Variants in CCDC171 observed in about 807,000 individuals in gnomAD.
The protein encoded by CCDC171 is coiled-coil domain-containing protein 171.
In CCDC171, 177 loss-of-function variants were observed where a neutral mutation model predicts 168.2. That is an observed-to-expected ratio of 1.05 (90% CI 0.93 to 1.19). CCDC171 has a LOEUF of 1.19. Among genes scored for constraint, CCDC171 ranks in the 50% most tolerant of loss-of-function variants. The pLI is 0.00. For synonymous variants in CCDC171, 687 were observed against 540.8 expected (o/e 1.27, Z -3.75); for missense variants, 1,991 against 1,539.0 (o/e 1.29, Z -4.91).
intron 9 of CCDC171, among the ~76,000 whole-genome samples, chr9:15,672,433 A>G (rs1410388396): frequency 6.6e-6 from 1 of 152,164 alleles, no homozygotes; most frequent in Non-Finnish European, 1.5e-5. Flanking sequence ...GCTCATGCCT[A>G]TGTCCTGAAT....
chr9:16,025,166 G>A (rs1031827631), intron 6 of CCDC171, among the ~76,000 whole-genome samples: 28 of 152,342 alleles, frequency 1.8e-4, no homozygotes, highest in African/African-American at 6.5e-4. Context: ...CAGGGGCTGG[G>A]CATGGTGGCT....
chr9:15,886,426 C>T (rs1819406601), intron 24 of CCDC171: 1 of 152,130 alleles, frequency 6.6e-6, no homozygotes, highest in Admixed American at 6.6e-5. Flanking sequence ...TATCACATCA[C>T]AACTGTTAGG....
At chr9:15,938,319 G>A (rs1393121899) in intron 25 of CCDC171, among the ~76,000 whole-genome samples, 1 of 151,706 alleles carries the variant, frequency 6.6e-6, no homozygotes. Context: ...TGAAATAGTG[G>A]GGAAAAATTA....
Position 15,846,695 on chromosome 9 carries a change from C to T in CCDC171, c.3268-7C>T. 2 of 1,612,090 alleles carry T rather than the reference C, an allele frequency of 1.2e-6. No individual in the cohort carries two copies. Among genetic ancestry groups the T allele is most frequent in the Non-Finnish European group, 1.7e-6 (2 of 1,178,834 alleles). On this transcript the variant is annotated splice_region_variant and splice_polypyrimidine_tract_variant and intron_variant, in intron 21 of 25. Coordinates refer to ENST00000380701, the MANE Select transcript of CCDC171 (RefSeq NM_173550.4). ...GACAAGTAACTCTGTTTTCTGTCTG[C>T]TTGCAGAGTCTCTCCGAGGCAAAGA...
chr9:15,740,383 C>CT lies in CCDC171; in HGVS notation c.2050-3878dup, dbSNP rs33984949. On this transcript the variant is annotated intron_variant, in intron 16 of 25. Coordinates refer to ENST00000380701, the MANE Select transcript of CCDC171 (RefSeq NM_173550.4). ...TTTCTAGCTGTTCTGTTCCATTGGT[C>CT]TTTTTTTTTTTTATGTACAAATAAC... is the stretch of plus-strand genomic sequence containing the variant. Among the ~76,000 whole-genome samples, 121 of 146,232 alleles carry CT rather than the reference C, an allele frequency of 8.3e-4. 1 individual carries two copies. The Middle Eastern group carries it at 0.01, about 13-fold the overall frequency.
chr9:15,576,159 G>A (rs369369869), intron 3 of CCDC171, among the ~76,000 whole-genome samples: 31 of 139,770 alleles, frequency 2.2e-4, no homozygotes, highest in South Asian at 7.1e-4. Context: ...GTGTGTGTGT[G>A]TATATACATG....
intron 18 of CCDC171, among the ~76,000 whole-genome samples, chr9:15,765,522 A>G (rs572635037): frequency 1.3e-5 from 2 of 152,336 alleles, no homozygotes; most frequent in Admixed American, 1.3e-4. Flanking sequence ...ATATGGGTAC[A>G]GTTGCAGGTA....
At chr9:15,988,265 C>G (rs1368188276) in intron 3 of CCDC171, among the ~76,000 whole-genome samples, 6 of 151,820 alleles carry the variant, frequency 4.0e-5, no homozygotes, top group Admixed American at 2.0e-4. Context: ...CTACTGTACA[C>G]TGTATTTTGT....
intron 7 of CCDC171, among the ~76,000 whole-genome samples, chr9:15,627,046 A>T (rs976187471): frequency 3.9e-5 from 6 of 152,126 alleles, no homozygotes; most frequent in Admixed American, 6.6e-5. Context: ...TAGTCTTGGG[A>T]GGGTGTATGT....
At chr9:15,787,518 C>T (rs1268196935) in intron 21 of CCDC171, among the ~76,000 whole-genome samples, 5 of 152,062 alleles carry the variant, frequency 3.3e-5, no homozygotes, top group African/African-American at 1.2e-4. Context: ...TTTCCCTCCT[C>T]TTCTTCCTTT....
At chr9:15,941,309 T>G (rs935827624) in intron 25 of CCDC171, among the ~76,000 whole-genome samples, 7 of 152,012 alleles carry the variant, frequency 4.6e-5, no homozygotes, top group Non-Finnish European at 1.0e-4. Flanking sequence ...AGCTCGCCGG[T>G]AGCGATTCAA....
At chr9:15,937,770 C>A (rs1327407930) in intron 25 of CCDC171, among the ~76,000 whole-genome samples, 3 of 151,884 alleles carry the variant, frequency 2.0e-5, no homozygotes, top group African/African-American at 7.2e-5. Flanking sequence ...TCTCCCACAC[C>A]CAAGACGTTA....
downstream of CCDC171, among the ~76,000 whole-genome samples, chr9:16,066,361 T>C (rs149546995): frequency 2.6e-4 from 40 of 152,286 alleles, no homozygotes; most frequent in African/African-American, 8.9e-4. Context: ...CACAGAAGTA[T>C]AGATAAAGTG....
chr9:16,037,154 C>G (rs1564130378), intron 8 of CCDC171, among the ~76,000 whole-genome samples: 1 of 152,094 alleles, frequency 6.6e-6, no homozygotes, highest in African/African-American at 2.4e-5. Flanking sequence ...TTTGAATGTT[C>G]TCAACACAGA....
At chr9:15,618,049 C>G (rs1281665579) in intron 6 of CCDC171, among the ~76,000 whole-genome samples, 1 of 152,166 alleles carries the variant, frequency 6.6e-6, no homozygotes, top group East Asian at 1.9e-4. Flanking sequence ...GGGAGAATCC[C>G]CCTTGTCAGG....
intron 24 of CCDC171, among the ~76,000 whole-genome samples, chr9:15,918,302 T>C (rs1408531801): frequency 6.6e-6 from 1 of 151,136 alleles, no homozygotes; most frequent in Non-Finnish European, 1.5e-5. Context: ...TTCTGAGCCT[T>C]ACAACAGTTT....
chr9:15,796,958 A>G (rs1177320179), intron 21 of CCDC171, among the ~76,000 whole-genome samples: 2 of 152,156 alleles, frequency 1.3e-5, no homozygotes, highest in Non-Finnish European at 2.9e-5. Flanking sequence ...TTTTTAAGAA[A>G]CTGCCGAAAT....
intron 7 of CCDC171, among the ~76,000 whole-genome samples, chr9:15,648,336 A>C (rs1223306852): frequency 1.3e-5 from 2 of 152,236 alleles, no homozygotes; most frequent in African/African-American, 2.4e-5. Context: ...GAAAACTGGC[A>C]CAATCCAGGG....
intron 2 of CCDC171, among the ~76,000 whole-genome samples, chr9:15,567,660 A>AT (rs879503970): frequency 8.1e-4 from 118 of 144,822 alleles, no homozygotes; most frequent in East Asian, 1.8e-3. Flanking sequence ...ATCTTTCACT[A>AT]TTTTTTTTTT....
Sources: allele counts gnomAD v4.1 joint callset (sites outside exome capture counted in the v4.1 genomes callset), GRCh38; gene constraint gnomAD v4.1.1; transcripts MANE v1.5; gene names NCBI Gene and HGNC (gene_info 2026-07-23, HGNC 2026-07-21).